The following PTPRG variants were observed in gnomAD, a reference collection of about 807,000 sequenced individuals.
The protein encoded by PTPRG is receptor-type tyrosine-protein phosphatase gamma.
In PTPRG, 102 loss-of-function variants were observed where a neutral mutation model predicts 165.3. The observed-to-expected ratio is 0.62, with a 90% CI of 0.53 to 0.73. The LOEUF (loss-of-function observed/expected upper bound fraction) is 0.73, where lower values mean the gene tolerates loss of function less well. Ranked by LOEUF, PTPRG falls within the 30% of genes least tolerant of loss-of-function variation. The probability of loss-of-function intolerance (pLI) is 0.00; values close to 1 mark genes in which losing one functional copy is unlikely to be tolerated. For synonymous variants in PTPRG, 675 were observed against 669.5 expected, an observed-to-expected ratio of 1.01 and a Z score of -0.13; for missense variants, 1,866 against 1,861.4, an observed-to-expected ratio of 1.00 and a Z score of -0.05.
intron 1 of PTPRG, 134 bp downstream of exon 1, chr3:61,562,506 T>C (rs1332050867): frequency 1.3e-6 from 1 of 757,350 alleles, no homozygotes; most frequent in African/African-American, 1.7e-5. Context: ...GGCGCCCGGA[T>C]AGGAGAAAAG....
At chr3:61,602,905 T>C (rs1187241322) in intron 1 of PTPRG, among the ~76,000 whole-genome samples, 3 of 152,222 alleles carry the variant, frequency 2.0e-5, no homozygotes, top group Non-Finnish European at 2.9e-5. Context: ...GTGACAAATA[T>C]CTCAAGCTCA....
intron 2 of PTPRG, among the ~76,000 whole-genome samples, chr3:61,975,074 C>G (rs1005974382): frequency 6.9e-6 from 1 of 145,866 alleles, no homozygotes; most frequent in African/African-American, 2.6e-5. Context: ...ACCTTTCTGG[C>G]TGCAATTTCT....
intron 4 of PTPRG, among the ~76,000 whole-genome samples, chr3:62,065,260 A>AT (rs1191967859): frequency 4.6e-5 from 7 of 152,090 alleles, no homozygotes; most frequent in Non-Finnish European, 8.8e-5. Flanking sequence ...ATGTTTACAT[A>AT]TTTTTTTAGA....
intron 6 of PTPRG, among the ~76,000 whole-genome samples, chr3:62,144,662 G>A (rs977584154): frequency 5.3e-5 from 8 of 152,112 alleles, no homozygotes; most frequent in Non-Finnish European, 1.2e-4. Context: ...ATCAGAACAC[G>A]TTTGATCTCA....
At chr3:61,814,787 C>T (rs1477492663) in intron 2 of PTPRG, among the ~76,000 whole-genome samples, 1 of 150,882 alleles carries the variant, frequency 6.6e-6, no homozygotes. Context: ...CTGGGAGGGG[C>T]TCAGGGAAAT....
intron 13 of PTPRG, among the ~76,000 whole-genome samples, chr3:62,220,435 G>C (rs1700624732): frequency 6.6e-6 from 1 of 152,204 alleles, no homozygotes; most frequent in Non-Finnish European, 1.5e-5. Context: ...GATGAGGGTA[G>C]CCGTGTAGGT....
chr3:61,729,061 CAAAA>C (rs927248532), intron 1 of PTPRG, among the ~76,000 whole-genome samples: 6 of 79,352 alleles, frequency 7.6e-5, no homozygotes, highest in Admixed American at 4.4e-4. Flanking sequence ...GACCCTGTCT[CAAAA>C]AAACAAACAA....
In PTPRG at chr3:62,281,551, T is replaced by TTTTTTTTTTTTTG. The variant is rs1553667465; in HGVS notation, c.3766-12_3766-11insTTTTTTTTTTTTG. The TTTTTTTTTTTTTG allele has an allele frequency of 1.4e-6, 2 of 1,466,110 alleles. No homozygotes were observed. Among genetic ancestry groups the TTTTTTTTTTTTTG allele is most frequent in the South Asian group, 2.7e-5 (2 of 73,028 alleles). 90.8% of individuals were successfully genotyped at this position (1,466,110 alleles called of 1,614,324 possible). A position where few individuals can be genotyped will look rare whatever the true frequency, so the allele number is the denominator to read the frequency against. ...GAACTGCAGAGGCTTTTTTTTTTTTTGGATTCCAAAGGCAGAAGATGAGTT... is the reference window on the plus strand; with the variant it reads ...GAACTGCAGAGGCTTTTTTTTTTTTTTTTTTTTTTTTTGGGATTCCAAAGGCAGAAGATGAGTT... On this transcript the variant is annotated splice_polypyrimidine_tract_variant and intron_variant, in intron 26 of 29. Transcript: ENST00000474889.
intron 1 of PTPRG, among the ~76,000 whole-genome samples, chr3:61,587,960 A>AT (rs34616477): frequency 0.78 from 116,841 of 148,980 alleles, 45,755 homozygotes; most frequent in South Asian, 0.86. Flanking sequence ...CAGCTGTCCC[A>AT]TTTTTTTTTT....
intron 4 of PTPRG, among the ~76,000 whole-genome samples, chr3:62,043,459 A>G (rs1700188744): frequency 2.0e-5 from 3 of 152,202 alleles, no homozygotes; most frequent in Admixed American, 6.5e-5. Flanking sequence ...TGCAATTAGA[A>G]TTCTTTTTAC....
At chr3:61,742,280 A>C (rs1365742505) in intron 1 of PTPRG, among the ~76,000 whole-genome samples, 3 of 152,088 alleles carry the variant, frequency 2.0e-5, no homozygotes, top group African/African-American at 7.2e-5. Flanking sequence ...TATTCTTATA[A>C]ACTATGTCCG....
chr3:61,801,362 G>A (rs2035236388), intron 2 of PTPRG, among the ~76,000 whole-genome samples: 1 of 151,074 alleles, frequency 6.6e-6, no homozygotes, highest in South Asian at 2.1e-4. Context: ...AGGCTGGAGA[G>A]CAGTGGTGCG....
intron 2 of PTPRG, among the ~76,000 whole-genome samples, chr3:61,774,055 G>A (rs532752847): frequency 6.6e-6 from 1 of 152,318 alleles, no homozygotes; most frequent in East Asian, 1.9e-4. Flanking sequence ...GATAACAGGT[G>A]TGAGCCACTG....
chr3:62,144,551 T>G (rs1704048440), intron 6 of PTPRG, among the ~76,000 whole-genome samples: 1 of 152,246 alleles, frequency 6.6e-6, no homozygotes, highest in Non-Finnish European at 1.5e-5. Context: ...TTCCAGCATT[T>G]AATTACATGG....
intron 2 of PTPRG, among the ~76,000 whole-genome samples, chr3:61,777,676 A>G (rs2034427358): frequency 6.6e-6 from 1 of 152,226 alleles, no homozygotes. Flanking sequence ...AAATCCGGGA[A>G]GACTTTTAAA....
At chr3:62,005,690 CTTTTTTTTTTTTT>C (rs35487954) in intron 4 of PTPRG, among the ~76,000 whole-genome samples, 6 of 60,336 alleles carry the variant, frequency 9.9e-5, no homozygotes, top group African/African-American at 3.0e-4. Context: ...CATTAATATC[CTTTTTTTTTTTTT>C]TTTTTTTTTT....
At chr3:61,647,791 C>CAAAAAAAAAAAAAA (rs58020589) in intron 1 of PTPRG, among the ~76,000 whole-genome samples, 2 of 93,156 alleles carry the variant, frequency 2.1e-5, no homozygotes. Flanking sequence ...GACTCCGTCT[C>CAAAAAAAAAAAAAA]AAAAAAAAAA....
At chr3:62,040,124 G>A (rs887265299) in intron 4 of PTPRG, among the ~76,000 whole-genome samples, 1 of 152,156 alleles carries the variant, frequency 6.6e-6, no homozygotes, top group Non-Finnish European at 1.5e-5. Flanking sequence ...AATATAGCAT[G>A]AGCGTTGCCT....
At chr3:61,926,512 G>A (rs879746476) in intron 2 of PTPRG, among the ~76,000 whole-genome samples, 10 of 151,000 alleles carry the variant, frequency 6.6e-5, no homozygotes, top group African/African-American at 2.2e-4. Flanking sequence ...TGTACAGGCT[G>A]CAGAACTGTG....
Sources: allele counts gnomAD v4.1 joint callset (sites outside exome capture counted in the v4.1 genomes callset), GRCh38; gene constraint gnomAD v4.1.1; transcripts MANE v1.5; gene names NCBI Gene and HGNC (gene_info 2026-07-23, HGNC 2026-07-21).